Variants in LSAMP observed in about 807,000 individuals in gnomAD.
LSAMP encodes the protein limbic system-associated membrane protein.
LSAMP carries 7 observed loss-of-function variants against 38.6 expected under a neutral mutation model. The ratio of observed to expected loss-of-function variants is 0.18; its 90% CI spans 0.10 to 0.34. The LOEUF (loss-of-function observed/expected upper bound fraction) is 0.34, where lower values mean the gene tolerates loss of function less well. Among genes scored for constraint, LSAMP ranks in the 10% least tolerant of loss-of-function variants. The pLI is 1.00. For synonymous variants in LSAMP, 154 were observed against 166.8 expected (o/e 0.92, Z 0.59); for missense variants, 313 against 420.0 (o/e 0.75, Z 2.23).
intron 1 of LSAMP, among the ~76,000 whole-genome samples, chr3:116,101,597 A>T (rs1708348746): frequency 6.6e-6 from 1 of 152,176 alleles, no homozygotes; most frequent in African/African-American, 2.4e-5. Context: ...ATTATATATT[A>T]TTGTTAACTC....
chr3:115,866,826 T>C (rs1935874198), intron 3 of LSAMP, among the ~76,000 whole-genome samples: 1 of 152,090 alleles, frequency 6.6e-6, no homozygotes, highest in Non-Finnish European at 1.5e-5. Context: ...AGCTTAATTA[T>C]TTTCCCATTA....
Position 115,824,809 on chromosome 3 carries a change from T to C in LSAMP, c.920-14395A>G, listed in dbSNP as rs777927481. Among the ~76,000 whole-genome samples the C allele has an allele frequency of 5.3e-5, 8 of 152,194 alleles. No individual in the cohort carries two copies. In the East Asian group the frequency reaches 1.3e-3, roughly 26 times the overall value. ...CATAAAATAGATTATATATGTCATA[T>C]TTGTGTTTAAAAACATAAATTTTAT... On this transcript the variant is annotated intron_variant, in intron 6 of 6. Transcript: ENST00000490035.
chr3:116,160,982 C>T (rs748290790), intron 1 of LSAMP, among the ~76,000 whole-genome samples: 2 of 152,198 alleles, frequency 1.3e-5, no homozygotes, highest in African/African-American at 2.4e-5. Flanking sequence ...AAATGTTCTA[C>T]ATATGTGCTA....
chr3:115,914,912 A>T (rs1937214652), intron 3 of LSAMP, among the ~76,000 whole-genome samples: 1 of 152,136 alleles, frequency 6.6e-6, no homozygotes, highest in Non-Finnish European at 1.5e-5. Flanking sequence ...ACATTTTTAT[A>T]CTTAAAAGGT....
intron 1 of LSAMP, among the ~76,000 whole-genome samples, chr3:116,163,761 A>T (rs527647932): frequency 6.6e-6 from 1 of 152,130 alleles, no homozygotes; most frequent in Non-Finnish European, 1.5e-5. Flanking sequence ...TATTGATACA[A>T]GTTCTTAGAC....
At chr3:116,388,640 T>C (rs1184508003) in intron 1 of LSAMP, among the ~76,000 whole-genome samples, 1 of 152,216 alleles carries the variant, frequency 6.6e-6, no homozygotes, top group Non-Finnish European at 1.5e-5. Flanking sequence ...GATTTGATTT[T>C]CAGCTTCACT....
chr3:115,980,232 GTTAAT>G (rs1006869154), intron 3 of LSAMP, among the ~76,000 whole-genome samples: 2 of 152,014 alleles, frequency 1.3e-5, no homozygotes, highest in African/African-American at 2.4e-5. Context: ...CAAATGATCA[GTTAAT>G]TTAAACTGTA....
chr3:116,401,218 T>G (rs1274161187), intron 1 of LSAMP, among the ~76,000 whole-genome samples: 1 of 152,306 alleles, frequency 6.6e-6, no homozygotes, highest in Middle Eastern at 3.4e-3. Flanking sequence ...AAAGAGAAAC[T>G]TGTTGCCCAG....
rs146246843 is a variant in LSAMP, at chr3:116,288,324, C to T, written c.155+156553G>A. Among the ~76,000 whole-genome samples, 189 of 152,296 alleles carry T rather than the reference C, an allele frequency of 1.2e-3. 1 individual carries two copies. Among genetic ancestry groups the T allele is most frequent in the African/African-American group, 4.3e-3 (179 of 41,550 alleles). On this transcript the variant is annotated intron_variant, in intron 1 of 6. Transcript: ENST00000490035. ...TCTGAATGGATTCTCAAAGAAAAGACAGATGAGAGAAGGTATCGTTAATTG... is the reference window on the plus strand; with the variant it reads ...TCTGAATGGATTCTCAAAGAAAAGATAGATGAGAGAAGGTATCGTTAATTG...
chr3:116,216,294 A>T (rs2046218409), intron 1 of LSAMP, among the ~76,000 whole-genome samples: 1 of 152,048 alleles, frequency 6.6e-6, no homozygotes, highest in African/African-American at 2.4e-5. Context: ...TGTCTGGACC[A>T]CTCTGTAACG....
chr3:116,348,922 C>A (rs1431369180), intron 1 of LSAMP, among the ~76,000 whole-genome samples: 7 of 152,068 alleles, frequency 4.6e-5, no homozygotes, highest in African/African-American at 1.7e-4. Flanking sequence ...CTTTGACAAG[C>A]CAATCCTACT....
chr3:116,033,367 G>C (rs1479551753), intron 2 of LSAMP, among the ~76,000 whole-genome samples: 3 of 152,132 alleles, frequency 2.0e-5, no homozygotes, highest in Non-Finnish European at 4.4e-5. Context: ...ACATGGAGGG[G>C]CCTCTTGTTC....
chr3:115,963,862 T>C lies in LSAMP; in HGVS notation c.514+55653A>G, dbSNP rs1259644639. Reference sequence around the variant, plus strand: ...TTGCCCTCTTGGGCTCAAGCAGTCCTCCCACCTCAGCCTCCCAAATAGCTG... The same window carrying C: ...TTGCCCTCTTGGGCTCAAGCAGTCCCCCCACCTCAGCCTCCCAAATAGCTG... On this transcript the variant is annotated intron_variant, in intron 3 of 6. Coordinates refer to ENST00000490035, the MANE Select transcript of LSAMP (RefSeq NM_002338.5). Among the ~76,000 whole-genome samples, 8 of 152,240 alleles carry C rather than the reference T, an allele frequency of 5.3e-5. No homozygotes were observed. In the East Asian group the frequency reaches 1.5e-3, roughly 29 times the overall value.
At chr3:116,242,336 G>A (rs1450934474) in intron 1 of LSAMP, among the ~76,000 whole-genome samples, 2 of 152,122 alleles carry the variant, frequency 1.3e-5, no homozygotes, top group African/African-American at 4.8e-5. Context: ...AGCCAAAATA[G>A]TTTAAAAAAT....
chr3:116,050,107 A>G (rs1389771697), intron 2 of LSAMP, among the ~76,000 whole-genome samples: 4 of 152,172 alleles, frequency 2.6e-5, no homozygotes, highest in African/African-American at 9.7e-5. Context: ...GAATATTAAT[A>G]AAAGATCTGA....
chr3:115,875,072 CAA>C (rs1936146782), intron 3 of LSAMP, among the ~76,000 whole-genome samples: 1 of 152,028 alleles, frequency 6.6e-6, no homozygotes, highest in Non-Finnish European at 1.5e-5. Flanking sequence ...ATAACAAATT[CAA>C]AAGATAGATT....
chr3:115,996,831 C>A (rs1939828740), intron 3 of LSAMP, among the ~76,000 whole-genome samples: 1 of 152,128 alleles, frequency 6.6e-6, no homozygotes, highest in Non-Finnish European at 1.5e-5. Context: ...GTCTATTCAA[C>A]CTCAGGGTAA....
intron 3 of LSAMP, among the ~76,000 whole-genome samples, chr3:115,969,518 T>A (rs780254177): frequency 6.6e-6 from 1 of 152,166 alleles, no homozygotes; most frequent in African/African-American, 2.4e-5. Context: ...GCAATCCAAA[T>A]GGATGAAGGT....
chr3:115,866,336 T>A (rs909848297), intron 3 of LSAMP, among the ~76,000 whole-genome samples: 3 of 152,164 alleles, frequency 2.0e-5, no homozygotes, highest in African/African-American at 7.2e-5. Context: ...CAATTGTGGG[T>A]TACCCTTTTC....
Sources: allele counts gnomAD v4.1 joint callset (sites outside exome capture counted in the v4.1 genomes callset), GRCh38; gene constraint gnomAD v4.1.1; transcripts MANE v1.5; gene names NCBI Gene and HGNC (gene_info 2026-07-23, HGNC 2026-07-21).